RORA: variants seen among roughly 807,000 people sequenced by gnomAD.
RORA encodes RAR related orphan receptor A, also known as nuclear receptor ROR-alpha.
Under a neutral mutation model 69.5 loss-of-function variants are expected in RORA, and 7 were observed. The observed-to-expected ratio is 0.10, with a 90% confidence interval of 0.06 to 0.19. The LOEUF (loss-of-function observed/expected upper bound fraction) is 0.19, where lower values mean the gene tolerates loss of function less well. RORA is among the 10% of genes least tolerant of loss of function. RORA has a pLI of 1.00. For missense variants in RORA, 457 were observed against 663.0 expected, an observed-to-expected ratio of 0.69 and a Z score of 3.41; for synonymous variants, 261 against 240.8, an observed-to-expected ratio of 1.08 and a Z score of -0.78.
intron 1 of RORA, among the ~76,000 whole-genome samples, chr15:60,941,076 A>G (rs1172438331): frequency 2.0e-5 from 3 of 152,254 alleles, no homozygotes; most frequent in Non-Finnish European, 4.4e-5. Flanking sequence ...AGTTATACTC[A>G]TTAGACAAAA....
chr15:60,673,948 A>G (rs984912908), intron 2 of RORA, among the ~76,000 whole-genome samples: 3 of 152,206 alleles, frequency 2.0e-5, no homozygotes, highest in Admixed American at 6.5e-5. Flanking sequence ...TAAGCTAAGC[A>G]ATGAATCTTC....
At chr15:60,634,355 G>A (rs1363183057) in intron 2 of RORA, among the ~76,000 whole-genome samples, 3 of 151,108 alleles carry the variant, frequency 2.0e-5, no homozygotes, top group Admixed American at 6.6e-5. Context: ...AGTGCCACTT[G>A]TGTATTCCAG....
intron 1 of RORA, among the ~76,000 whole-genome samples, chr15:60,993,362 G>A (rs1004879748): frequency 6.6e-6 from 1 of 151,628 alleles, no homozygotes; most frequent in African/African-American, 2.4e-5. Context: ...GGATCGGCTG[G>A]GCACAGCGGC....
chr15:60,865,079 G>A (rs1310314673), intron 1 of RORA, among the ~76,000 whole-genome samples: 1 of 152,186 alleles, frequency 6.6e-6, no homozygotes, highest in African/African-American at 2.4e-5. Context: ...TTTAGATCCT[G>A]GTTCTCCCAT....
At chr15:61,017,478 C>G (rs1003249091) in intron 1 of RORA, among the ~76,000 whole-genome samples, 6 of 152,148 alleles carry the variant, frequency 3.9e-5, no homozygotes. Flanking sequence ...ATCTCAAGAA[C>G]ACAAATTGAG....
At chr15:60,882,476 T>C (rs2073692767) in intron 1 of RORA, among the ~76,000 whole-genome samples, 1 of 152,170 alleles carries the variant, frequency 6.6e-6, no homozygotes, top group Non-Finnish European at 1.5e-5. Context: ...AAGCATCTGC[T>C]AGGCCAAAGC....
At chr15:61,084,444 T>A (rs2078592656) in intron 1 of RORA, among the ~76,000 whole-genome samples, 1 of 152,224 alleles carries the variant, frequency 6.6e-6, no homozygotes, top group Non-Finnish European at 1.5e-5. Context: ...CAAAGATAAT[T>A]ACAAGAGATG....
intron 1 of RORA, among the ~76,000 whole-genome samples, chr15:61,090,359 T>C (rs756919014): frequency 3.5e-4 from 54 of 152,296 alleles, no homozygotes; most frequent in Non-Finnish European, 7.4e-4. Flanking sequence ...AAGGTGCCCC[T>C]CTGTGAATAT....
intron 1 of RORA, among the ~76,000 whole-genome samples, chr15:61,200,837 G>T (rs1416963190): frequency 6.6e-6 from 1 of 152,140 alleles, no homozygotes; most frequent in African/African-American, 2.4e-5. Context: ...GCTTCTCCCA[G>T]GGTAGTCAAC....
intron 2 of RORA, among the ~76,000 whole-genome samples, chr15:60,606,949 A>T (rs1293422416): frequency 2.0e-5 from 3 of 152,204 alleles, no homozygotes; most frequent in African/African-American, 7.2e-5. Context: ...ATGTGCTTTA[A>T]AAAGCATCCC....
chr15:61,069,897 T>A (rs2078316737), intron 1 of RORA, among the ~76,000 whole-genome samples: 2 of 152,192 alleles, frequency 1.3e-5, no homozygotes, highest in Non-Finnish European at 1.5e-5. Flanking sequence ...CATGTTAGAA[T>A]AAACCCAAAG....
At position 60,632,542 on chromosome 15, in the gene RORA, G is replaced by A. The variant is rs2069762117; in HGVS notation, c.196+46115C>T. ...TTTAGTATATTCCAAATAATGATAGGGCATACTTTTATTCATTGTTCATCG... is the reference window on the plus strand; with the variant it reads ...TTTAGTATATTCCAAATAATGATAGAGCATACTTTTATTCATTGTTCATCG... On this transcript the variant is annotated intron_variant, in intron 2 of 10. Transcript: ENST00000335670. Among the ~76,000 whole-genome samples, 4 of 151,912 alleles carry A rather than the reference G, an allele frequency of 2.6e-5. No individual in the cohort carries two copies. The South Asian group carries it at 8.3e-4, about 32-fold the overall frequency.
At chr15:60,996,827 G>A (rs1211283049) in intron 1 of RORA, among the ~76,000 whole-genome samples, 1 of 151,974 alleles carries the variant, frequency 6.6e-6, no homozygotes, top group Admixed American at 6.6e-5. Flanking sequence ...GGAGAATGGT[G>A]TGAACCCAGG....
chr15:60,955,637 T>C (rs944975368), intron 1 of RORA, among the ~76,000 whole-genome samples: 4 of 152,194 alleles, frequency 2.6e-5, no homozygotes, highest in Non-Finnish European at 5.9e-5. Flanking sequence ...AAAGATTTTG[T>C]GAGTCGATTT....
chr15:60,841,413 C>A (rs1318637780), intron 1 of RORA, among the ~76,000 whole-genome samples: 1 of 152,202 alleles, frequency 6.6e-6, no homozygotes, highest in Admixed American at 6.5e-5. Context: ...GCAGTGCCTA[C>A]TGGCAATGGG....
At chr15:60,729,310 C>T (rs2071400884) in intron 1 of RORA, among the ~76,000 whole-genome samples, 1 of 152,206 alleles carries the variant, frequency 6.6e-6, no homozygotes, top group Non-Finnish European at 1.5e-5. Context: ...CTTTCGATCA[C>T]TTTCCTTACT....
chr15:61,113,424 A>G (rs1281973951), intron 1 of RORA, among the ~76,000 whole-genome samples: 1 of 152,180 alleles, frequency 6.6e-6, no homozygotes, highest in South Asian at 2.1e-4. Flanking sequence ...TAAAAATCAT[A>G]TGGGAGCTTC....
chr15:60,954,354 A>G (rs1156782908), intron 1 of RORA, among the ~76,000 whole-genome samples: 1 of 148,074 alleles, frequency 6.8e-6, no homozygotes, highest in Non-Finnish European at 1.5e-5. Context: ...ATGACGAGTT[A>G]GTGGGTGCAG....
Position 60,689,807 on chromosome 15 carries a change from C to G in RORA, c.167-11121G>C, listed in dbSNP as rs2070796721. Reference sequence around the variant, plus strand: ...GATTGGAGTGACATAGCTATAAGCTCAAGAATGCCAAGGATTTCTAGCAAC... The same window carrying G: ...GATTGGAGTGACATAGCTATAAGCTGAAGAATGCCAAGGATTTCTAGCAAC... On this transcript the variant is annotated intron_variant, in intron 1 of 10. Coordinates refer to ENST00000335670, the MANE Select transcript of RORA (RefSeq NM_134261.3). 2.6e-5 allele frequency among the ~76,000 whole-genome samples: 4 copies of G among 152,250 alleles called. No individual in the cohort carries two copies. The South Asian group carries it at 8.3e-4, about 32-fold the overall frequency.
Sources: gnomAD v4.1 joint callset for allele counts (sites outside exome capture counted in the v4.1 genomes callset) on GRCh38, gnomAD v4.1.1 for gene constraint, MANE v1.5 for transcripts, NCBI Gene and HGNC (gene_info 2026-07-23, HGNC 2026-07-21) for gene names.